RFC3: variants seen among roughly 807,000 people sequenced by gnomAD.
RFC3 encodes replication factor C subunit 3.
RFC3 carries 41 observed loss-of-function variants against 45.1 expected under a neutral mutation model. The observed-to-expected ratio is 0.91, with a 90% CI of 0.71 to 1.18. The LOEUF (loss-of-function observed/expected upper bound fraction) is 1.18, where lower values mean the gene tolerates loss of function less well. Among genes scored for constraint, RFC3 ranks in the 50% most tolerant of loss-of-function variants. RFC3 has a pLI of 0.00. For missense variants in RFC3, 423 were observed against 428.1 expected, an observed-to-expected ratio of 0.99 and a Z score of 0.10; for synonymous variants, 149 against 144.0, an observed-to-expected ratio of 1.03 and a Z score of -0.25.
intron 8 of RFC3, among the ~76,000 whole-genome samples, chr13:33,900,545 C>A (rs1164385650): frequency 6.6e-6 from 1 of 151,104 alleles, no homozygotes; most frequent in Non-Finnish European, 1.5e-5. Context: ...GTATTAAGAC[C>A]TGTATTAAAT....
At chr13:33,939,800 A>G (rs951326700) in intron 8 of RFC3, among the ~76,000 whole-genome samples, 13 of 152,192 alleles carry the variant, frequency 8.5e-5, no homozygotes, top group African/African-American at 2.9e-4. Context: ...TTGGACACCC[A>G]GCTAGTATCT....
intron 4 of RFC3, among the ~76,000 whole-genome samples, chr13:33,828,391 C>T (rs1273315646): frequency 6.6e-6 from 1 of 152,188 alleles, no homozygotes; most frequent in Non-Finnish European, 1.5e-5. Flanking sequence ...GCCACTGCAC[C>T]AGCCACAGCC....
chr13:33,869,664 G>A (rs962639111), intron 8 of RFC3, among the ~76,000 whole-genome samples: 3 of 152,170 alleles, frequency 2.0e-5, no homozygotes, highest in African/African-American at 4.8e-5. Flanking sequence ...GGATGGGGCT[G>A]GCCTGGGAGG....
chr13:33,895,695 C>T (rs1238316059), intron 8 of RFC3, among the ~76,000 whole-genome samples: 1 of 152,146 alleles, frequency 6.6e-6, no homozygotes, highest in African/African-American at 2.4e-5. Flanking sequence ...ATCATAAAGA[C>T]AGCTGCACAC....
the RFC3 span, among the ~76,000 whole-genome samples, chr13:33,974,633 G>T: frequency 6.6e-6 from 1 of 152,270 alleles, no homozygotes; most frequent in Middle Eastern, 3.4e-3. Flanking sequence ...AATATGCAAT[G>T]TCAATTAGTG....
intron 8 of RFC3, among the ~76,000 whole-genome samples, chr13:33,929,267 A>G (rs562708323): frequency 2.0e-5 from 3 of 152,270 alleles, no homozygotes; most frequent in Admixed American, 6.5e-5. Context: ...TTGCCAGAGT[A>G]GTTGATGTAT....
At chr13:33,976,832 G>A in the RFC3 span, among the ~76,000 whole-genome samples, 3 of 152,100 alleles carry the variant, frequency 2.0e-5, no homozygotes, top group African/African-American at 7.2e-5. Flanking sequence ...TTAAGTGTGG[G>A]CTGTGCATGG....
the RFC3 span, among the ~76,000 whole-genome samples, chr13:33,975,519 G>T: frequency 7.1e-4 from 108 of 152,278 alleles, no homozygotes; most frequent in African/African-American, 2.4e-3. Flanking sequence ...CAGCAAAAAA[G>T]TAATTTATGC....
At chr13:33,933,433 G>A (rs1226182384) in intron 8 of RFC3, among the ~76,000 whole-genome samples, 1 of 152,020 alleles carries the variant, frequency 6.6e-6, no homozygotes, top group Non-Finnish European at 1.5e-5. Context: ...GTTATCATGG[G>A]TTCTATAGCC....
rs766855225 is a variant in RFC3 at position 33,892,474 on chromosome 13, G to A, written c.879+57257G>A. 4.6e-5 allele frequency among the ~76,000 whole-genome samples: 7 copies of A among 152,144 alleles called. No individual in the cohort carries two copies. The South Asian group carries it at 6.2e-4, about 14-fold the overall frequency. On this transcript the variant is annotated intron_variant, in intron 8 of 8. Coordinates refer to the RFC3 transcript ENST00000434425. ...CATTCCAAAGCTGGGTATTGGTGCCGTCTCATTTCTGTTTCCCTACTTCAT... is the reference window on the plus strand; with the variant it reads ...CATTCCAAAGCTGGGTATTGGTGCCATCTCATTTCTGTTTCCCTACTTCAT...
rs1398090879 is a variant in RFC3, at chr13:33,821,155, T to G, written c.111T>G (p.His37Gln). The G allele has an allele frequency of 6.2e-7, 1 of 1,613,684 alleles. No homozygotes were observed. Among genetic ancestry groups the G allele is most frequent in the Admixed American group, 1.7e-5 (1 of 59,976 alleles). ...RNLVQCGDFPHLLVYGPSGAG... is the reference protein window; with the variant it reads ...RNLVQCGDFPQLLVYGPSGAG... ...AGGTGCAGTGTGGTGACTTTCCTCATCTGTTAGTGTACGGACCATCAGGTG... is the reference window on the plus strand; with the variant it reads ...AGGTGCAGTGTGGTGACTTTCCTCAGCTGTTAGTGTACGGACCATCAGGTG... Residue 37 changes from histidine to glutamine, a missense_variant, in exon 2 of 9, where the codon CAT becomes CAG. Transcript: ENST00000380071.
intron 8 of RFC3, among the ~76,000 whole-genome samples, chr13:33,868,575 A>G (rs78802108): frequency 7.2e-5 from 11 of 152,310 alleles, no homozygotes; most frequent in Non-Finnish European, 1.6e-4. Context: ...ATCACAACTA[A>G]TCAGACTGGC....
intron 8 of RFC3, among the ~76,000 whole-genome samples, chr13:33,953,077 A>G (rs981109756): frequency 6.6e-6 from 1 of 152,212 alleles, no homozygotes; most frequent in African/African-American, 2.4e-5. Context: ...TTGAAAAGAA[A>G]AAGTTTAGAA....
intron 8 of RFC3, among the ~76,000 whole-genome samples, chr13:33,943,020 A>G (rs2082934326): frequency 6.6e-6 from 1 of 152,174 alleles, no homozygotes. Flanking sequence ...AGAATTTCAT[A>G]ATTTTGATTG....
downstream of RFC3, among the ~76,000 whole-genome samples, chr13:33,969,910 G>GTT (rs61104193): frequency 0.017 from 2,183 of 130,406 alleles, 67 homozygotes; most frequent in African/African-American, 0.058. Context: ...TGTCAGATTT[G>GTT]TTTTTTTTTT....
At chr13:33,921,727 C>A (rs993972144) in intron 8 of RFC3, among the ~76,000 whole-genome samples, 1 of 152,094 alleles carries the variant, frequency 6.6e-6, no homozygotes, top group Admixed American at 6.6e-5. Context: ...AACAAAGACA[C>A]CCTCTGGGGT....
rs573237965 is a variant in RFC3 at position 33,947,906 on chromosome 13, G to A, written c.880-18181G>A. Among the ~76,000 whole-genome samples the A allele has an allele frequency of 4.6e-5, 7 of 152,182 alleles. No homozygotes were observed. In the South Asian group the frequency reaches 1.4e-3, roughly 32 times the overall value. ...GCAGAAGAAATTTCTAAGTGGCAAA[G>A]CATTCAAGAGGAAGCAGAGCATAAA... is the stretch of plus-strand genomic sequence containing the variant. On this transcript the variant is annotated intron_variant, in intron 8 of 8. Transcript: ENST00000434425.
At chr13:33,819,281 T>C (rs2081980006) in intron 1 of RFC3, among the ~76,000 whole-genome samples, 1 of 152,184 alleles carries the variant, frequency 6.6e-6, no homozygotes, top group South Asian at 2.1e-4. Flanking sequence ...TGGCAATATT[T>C]TGTGAGAACG....
Position 33,837,191 on chromosome 13 carries a change from C to G in RFC3, c.*896C>G. The G allele has an allele frequency of 3.0e-6, 1 of 333,984 alleles. No homozygotes were observed. The highest frequency in any genetic ancestry group is 4.3e-6 in the Non-Finnish European group (1 of 234,688). 20.7% of individuals were successfully genotyped at this position (333,984 alleles called of 1,614,324 possible). Reference sequence around the variant, plus strand: ...CAATCAAGGTATAGATGCCGTCACCCCAAAAAGTTCCCTCCATATCCCTTT... The same window carrying G: ...CAATCAAGGTATAGATGCCGTCACCGCAAAAAGTTCCCTCCATATCCCTTT... On this transcript the variant is annotated 3_prime_UTR_variant, in exon 9 of 9. Coordinates refer to ENST00000380071, the MANE Select transcript of RFC3 (RefSeq NM_002915.4).
Sources: gnomAD v4.1 joint callset for allele counts (sites outside exome capture counted in the v4.1 genomes callset) on GRCh38, gnomAD v4.1.1 for gene constraint, MANE v1.5 for transcripts, NCBI Gene and HGNC (gene_info 2026-07-23, HGNC 2026-07-21) for gene names.